Variants in NR5A2 observed in about 807,000 individuals in gnomAD.
NR5A2 encodes the protein CYP7A promoter-binding factor.
NR5A2 carries 26 observed loss-of-function variants against 62.7 expected under a neutral mutation model. The observed-to-expected ratio is 0.41, with a 90% CI of 0.30 to 0.58. NR5A2 has a LOEUF of 0.58. Among genes scored for constraint, NR5A2 ranks in the 20% least tolerant of loss-of-function variants. The pLI, the probability that NR5A2 is intolerant of heterozygous loss-of-function variation, is 0.22. For missense variants in NR5A2, 541 were observed against 669.1 expected, an observed-to-expected ratio of 0.81 and a Z score of 2.11; for synonymous variants, 246 against 241.7, an observed-to-expected ratio of 1.02 and a Z score of -0.16.
chr1:200,113,468 C>T (rs1385684738), intron 6 of NR5A2, among the ~76,000 whole-genome samples: 1 of 152,194 alleles, frequency 6.6e-6, no homozygotes, highest in African/African-American at 2.4e-5. Context: ...GTGCTTCTTG[C>T]GTTTCATAGG....
In NR5A2 at chr1:200,048,680, C is replaced by T; in HGVS notation, c.972C>T (p.Ala324=). ...DEPQVQAKIM[A]YLQQEQANRS... ...CTCAAGTCCAGGCTAAAATCATGGC[C>T]TATTTGCAGCAAGAGCAGGCTAACC... Residue 324 remains alanine, a synonymous_variant, in exon 5 of 8, where the codon GCC becomes GCT. Coordinates refer to ENST00000367362, the MANE Select transcript of NR5A2 (RefSeq NM_205860.3). The surrounding 1 kb of genome is among the most constrained non-coding windows in gnomAD (Gnocchi z 4.8). 1 of 1,614,174 alleles carries T rather than the reference C, an allele frequency of 6.2e-7. No homozygotes were observed. Among genetic ancestry groups the T allele is most frequent in the South Asian group, 1.1e-5 (1 of 91,076 alleles).
At chr1:200,094,603 G>C (rs1251748797) in intron 5 of NR5A2, among the ~76,000 whole-genome samples, 1 of 134,624 alleles carries the variant, frequency 7.4e-6, no homozygotes, top group African/African-American at 2.9e-5. Context: ...TTCGATCTCG[G>C]CTCACTGCAA....
At chr1:200,168,797 T>C (rs541036678) in intron 7 of NR5A2, among the ~76,000 whole-genome samples, 17 of 152,314 alleles carry the variant, frequency 1.1e-4, no homozygotes, top group Non-Finnish European at 2.1e-4. Flanking sequence ...TTCTGCAACT[T>C]CCAGAAGTTC....
At chr1:200,040,505 A>G (rs923759386) in intron 2 of NR5A2, among the ~76,000 whole-genome samples, 2 of 152,228 alleles carry the variant, frequency 1.3e-5, no homozygotes, top group Non-Finnish European at 2.9e-5. Context: ...TTGATTGCCA[A>G]CAAAAAAACA....
rs532542568 is a variant in NR5A2, at chr1:200,142,292, C to T, written c.1378+21337C>T. On this transcript the variant is annotated intron_variant, in intron 7 of 7. Coordinates refer to ENST00000367362, the MANE Select transcript of NR5A2 (RefSeq NM_205860.3). ...TCAGCTCACTGCGACCTCTGCCTCCCGGGTTCAAGTGATTCTCCTGCCTCA... is the reference window on the plus strand; with the variant it reads ...TCAGCTCACTGCGACCTCTGCCTCCTGGGTTCAAGTGATTCTCCTGCCTCA... Among the ~76,000 whole-genome samples, 213 of 142,356 alleles carry T rather than the reference C, an allele frequency of 1.5e-3. 1 individual carries two copies. The highest frequency in any genetic ancestry group is 2.5e-3 in the Non-Finnish European group (168 of 66,610). The allele number at this position is 142,356 out of a possible 152,430, so 93.4% of individuals were successfully genotyped here. A position where few individuals can be genotyped will look rare whatever the true frequency, so the allele number is the denominator to read the frequency against.
At chr1:200,137,538 C>T (rs1426716411) in intron 7 of NR5A2, among the ~76,000 whole-genome samples, 1 of 152,040 alleles carries the variant, frequency 6.6e-6, no homozygotes, top group Non-Finnish European at 1.5e-5. Context: ...TTACTGTGAA[C>T]AGAATTTGAT....
chr1:200,115,735 T>C (rs1167387484), intron 6 of NR5A2, among the ~76,000 whole-genome samples: 1 of 151,950 alleles, frequency 6.6e-6, no homozygotes. Context: ...TCAGAGAAAG[T>C]GCGGGGAAAT....
chr1:200,114,341 GAAAA>G (rs956559043), intron 6 of NR5A2, among the ~76,000 whole-genome samples: 9 of 144,182 alleles, frequency 6.2e-5, no homozygotes, highest in African/African-American at 2.3e-4. Flanking sequence ...AGAAAAAAAA[GAAAA>G]AAAGAACTGC....
At chr1:200,117,585 A>T (rs1666283723) in intron 6 of NR5A2, among the ~76,000 whole-genome samples, 2 of 152,228 alleles carry the variant, frequency 1.3e-5, no homozygotes, top group Non-Finnish European at 2.9e-5. Flanking sequence ...TTATTATTAT[A>T]CACCTGTTAG....
chr1:200,031,268 C>G lies in NR5A2; in HGVS notation c.64+3357C>G, dbSNP rs147545704. 4.1e-3 allele frequency among the ~76,000 whole-genome samples: 628 copies of G among 152,260 alleles called. 2 individuals are homozygous for G. The highest frequency in any genetic ancestry group is 7.6e-3 in the Admixed American group (117 of 15,296). On this transcript the variant is annotated intron_variant, in intron 1 of 7. Transcript: ENST00000367362. ...CTGGTAATCCCAATACTTTGGGAGA[C>G]TGAGGATGGAGGATCACTTGGGCCC...
At chr1:200,045,735 A>G in intron 4 of NR5A2, 151 bp downstream of exon 4, 1 of 588,734 alleles carries the variant, frequency 1.7e-6, no homozygotes, top group Non-Finnish European at 2.7e-6. Flanking sequence ...TCATCTGCAG[A>G]ATAGTCTGAG....
intron 7 of NR5A2, 92 bp downstream of exon 7, chr1:200,121,047 C>T (rs1052294483): frequency 3.9e-5 from 53 of 1,347,788 alleles, no homozygotes; most frequent in Non-Finnish European, 5.2e-5. Flanking sequence ...TGTTTTTGTT[C>T]TATCAATATA....
intron 5 of NR5A2, among the ~76,000 whole-genome samples, chr1:200,073,640 C>T (rs149366323): frequency 0.012 from 1,747 of 151,896 alleles, 17 homozygotes; most frequent in Middle Eastern, 0.037. Context: ...GTTGAATCCA[C>T]GGATGTAGAA....
intron 5 of NR5A2, among the ~76,000 whole-genome samples, chr1:200,050,510 G>A (rs1429762879): frequency 6.6e-6 from 1 of 152,200 alleles, no homozygotes; most frequent in African/African-American, 2.4e-5. Flanking sequence ...GGTTTTCAAA[G>A]GAAAATGAGA....
At chr1:200,152,636 T>C (rs946871941) in intron 7 of NR5A2, among the ~76,000 whole-genome samples, 2 of 152,172 alleles carry the variant, frequency 1.3e-5, no homozygotes, top group Non-Finnish European at 2.9e-5. Context: ...CTGTTTTGTT[T>C]TAGGGGAAGG....
intron 5 of NR5A2, among the ~76,000 whole-genome samples, chr1:200,085,662 C>CAA (rs779455520): frequency 1.6e-4 from 15 of 91,148 alleles, no homozygotes; most frequent in African/African-American, 1.9e-4. Flanking sequence ...AGACCTATCT[C>CAA]AAAAAAAAAA....
intron 7 of NR5A2, among the ~76,000 whole-genome samples, chr1:200,138,944 C>G (rs956737676): frequency 6.6e-5 from 10 of 152,116 alleles, no homozygotes; most frequent in Non-Finnish European, 1.3e-4. Flanking sequence ...CCACAAAGAA[C>G]CCAGTGGGGT....
chr1:200,071,536 T>C (rs956169353), intron 5 of NR5A2, among the ~76,000 whole-genome samples: 3 of 152,244 alleles, frequency 2.0e-5, no homozygotes, highest in Admixed American at 6.5e-5. Flanking sequence ...TTGTCCCATA[T>C]TGAGAATAAC....
At chr1:200,111,714 T>A (rs1228008709) in intron 6 of NR5A2, among the ~76,000 whole-genome samples, 2 of 152,160 alleles carry the variant, frequency 1.3e-5, no homozygotes, top group African/African-American at 4.8e-5. Flanking sequence ...TTTGGAAAAA[T>A]ATTGGTGAAC....
Sources: gnomAD v4.1 joint callset for allele counts (sites outside exome capture counted in the v4.1 genomes callset) on GRCh38, gnomAD v4.1.1 for gene constraint, Gnocchi (gnomAD v3.1) non-coding constraint, MANE v1.5 for transcripts, NCBI Gene and HGNC (gene_info 2026-07-23, HGNC 2026-07-21) for gene names.